CALN1: variants seen among roughly 807,000 people sequenced by gnomAD.
CALN1 encodes calcium-binding protein 8.
Under a neutral mutation model 30.6 loss-of-function variants are expected in CALN1, and 17 were observed. That is an observed-to-expected ratio of 0.56 (90% CI 0.38 to 0.83). CALN1 has a LOEUF of 0.83. Among genes scored for constraint, CALN1 ranks in the 40% least tolerant of loss-of-function variants. The probability of loss-of-function intolerance (pLI) is 0.00; values close to 1 mark genes in which losing one functional copy is unlikely to be tolerated. For synonymous variants in CALN1, 156 were observed against 131.4 expected (o/e 1.19, Z -1.28); for missense variants, 291 against 354.9 (o/e 0.82, Z 1.45).
At chr7:72,204,329 A>T (rs756679250) in intron 3 of CALN1, among the ~76,000 whole-genome samples, 4 of 151,878 alleles carry the variant, frequency 2.6e-5, no homozygotes, top group Non-Finnish European at 5.9e-5. Context: ...TGTTAATTGT[A>T]TTCAACTATA....
At chr7:72,148,264 TAA>T (rs35780457) in intron 3 of CALN1, among the ~76,000 whole-genome samples, 43,896 of 132,366 alleles carry the variant, frequency 0.33, 7,175 homozygotes, top group Non-Finnish European at 0.37. Flanking sequence ...TGTGGTTGTT[TAA>T]AAAAAAAAAA....
At chr7:72,052,496 C>T (rs879844657) in intron 4 of CALN1, among the ~76,000 whole-genome samples, 14 of 151,872 alleles carry the variant, frequency 9.2e-5, no homozygotes, top group Admixed American at 2.0e-4. Context: ...ACTGACCACC[C>T]GAAGAAAATC....
intron 3 of CALN1, among the ~76,000 whole-genome samples, chr7:72,117,629 C>T (rs1808079642): frequency 6.6e-6 from 1 of 152,104 alleles, no homozygotes; most frequent in Non-Finnish European, 1.5e-5. Context: ...GGCTGGGGGC[C>T]TAGGATTTTA....
At chr7:71,789,832 T>C (rs1793212395) in intron 6 of CALN1, among the ~76,000 whole-genome samples, 1 of 151,982 alleles carries the variant, frequency 6.6e-6, no homozygotes, top group African/African-American at 2.4e-5. Flanking sequence ...GAAAAAGCAT[T>C]AGCCTGTAAT....
intron 5 of CALN1, among the ~76,000 whole-genome samples, chr7:71,890,435 T>C (rs1793173650): frequency 1.3e-5 from 2 of 152,220 alleles, no homozygotes; most frequent in South Asian, 4.1e-4. Flanking sequence ...CCTTCCCTCC[T>C]TTCCAAACAG....
At chr7:72,178,545 C>G (rs1398756728) in intron 3 of CALN1, among the ~76,000 whole-genome samples, 1 of 152,002 alleles carries the variant, frequency 6.6e-6, no homozygotes, top group Non-Finnish European at 1.5e-5. Flanking sequence ...AAAAATTAGC[C>G]AGGCGTGGTG....
chr7:72,500,225 T>A, the CALN1 span, among the ~76,000 whole-genome samples: 7 of 148,718 alleles, frequency 4.7e-5, no homozygotes, highest in African/African-American at 1.5e-4. Flanking sequence ...GCTGAAACTT[T>A]CTGTGTCTCT....
chr7:71,984,221 G>A (rs895862478), intron 5 of CALN1, among the ~76,000 whole-genome samples: 1 of 152,074 alleles, frequency 6.6e-6, no homozygotes, highest in African/African-American at 2.4e-5. Flanking sequence ...GAGTGAGGGG[G>A]GAACAGGCAG....
At chr7:72,367,014 C>T (rs990369679) in intron 2 of CALN1, among the ~76,000 whole-genome samples, 13 of 152,076 alleles carry the variant, frequency 8.5e-5, no homozygotes, top group South Asian at 2.1e-4. Flanking sequence ...AAATGACAAC[C>T]TTCTACAACC....
rs1787058541 is a variant in CALN1 at position 71,798,117 on chromosome 7, CAGAGACAGAGAGAGAGAGAG to C, written c.659-10235_659-10216del. On this transcript the variant is annotated intron_variant, in intron 6 of 6. Transcript: ENST00000395275. ...AGAGAGAGACAGAGAGAGACAGAGA[CAGAGACAGAGAGAGAGAGAG>C]AGAGAGAGAGAGAGAGAGAGAGAGA... is the stretch of plus-strand genomic sequence containing the variant. 2.0e-3 allele frequency among the ~76,000 whole-genome samples: 127 copies of C among 62,306 alleles called. 1 individual carries two copies. Among genetic ancestry groups the C allele is most frequent in the East Asian group, 0.014 (19 of 1,364 alleles). 40.9% of individuals were successfully genotyped at this position (62,306 alleles called of 152,430 possible).
the CALN1 span, among the ~76,000 whole-genome samples, chr7:72,464,920 C>A: frequency 6.6e-6 from 1 of 152,168 alleles, no homozygotes; most frequent in Non-Finnish European, 1.5e-5. Context: ...AGAGGCAGTG[C>A]CACCTATGTC....
intron 2 of CALN1, chr7:72,337,054 CCTCCCG>C (rs1436343217): frequency 2.1e-5 from 21 of 985,556 alleles, no homozygotes; most frequent in Non-Finnish European, 2.4e-5. Context: ...CTCCTCTACC[CCTCCCG>C]CTCCCGCTGG....
At chr7:72,080,688 G>A (rs566220081) in intron 4 of CALN1, among the ~76,000 whole-genome samples, 2 of 152,074 alleles carry the variant, frequency 1.3e-5, no homozygotes, top group Non-Finnish European at 2.9e-5. Flanking sequence ...GGAGGGGTGG[G>A]TTTCCACACA....
intron 5 of CALN1, among the ~76,000 whole-genome samples, chr7:71,931,365 A>C (rs982399133): frequency 3.9e-5 from 6 of 152,054 alleles, no homozygotes; most frequent in Non-Finnish European, 1.5e-5. Context: ...TCCTGGCTTC[A>C]AGTGATTCTC....
chr7:71,877,252 G>C (rs1792301361), intron 5 of CALN1, among the ~76,000 whole-genome samples: 1 of 152,170 alleles, frequency 6.6e-6, no homozygotes, highest in Admixed American at 6.5e-5. Context: ...AATAGTAAAT[G>C]TTATTCTAAA....
At chr7:72,413,905 T>C (rs1353085123), upstream of CALN1, among the ~76,000 whole-genome samples, 2 of 151,800 alleles carry the variant, frequency 1.3e-5, no homozygotes, top group Non-Finnish European at 2.9e-5. Flanking sequence ...CATACACACG[T>C]ACACACCGCA....
At chr7:72,002,507 G>C (rs1016647319) in intron 5 of CALN1, among the ~76,000 whole-genome samples, 7 of 151,974 alleles carry the variant, frequency 4.6e-5, no homozygotes, top group Admixed American at 1.3e-4. Context: ...ATTGTAAGTT[G>C]AACAACCATA....
intron 4 of CALN1, among the ~76,000 whole-genome samples, chr7:72,105,941 C>G (rs1807075010): frequency 6.6e-6 from 1 of 152,030 alleles, no homozygotes; most frequent in African/African-American, 2.4e-5. Context: ...TCTTTCCTCA[C>G]CCCATCCTAT....
rs527399172 is a variant in CALN1 at position 71,785,262 on chromosome 7, CAAG to C, written c.*2510_*2512del. 19 of 169,158 alleles carry C rather than the reference CAAG, an allele frequency of 1.1e-4. No homozygotes were observed. Among genetic ancestry groups the C allele is most frequent in the Non-Finnish European group, 2.0e-4 (16 of 79,522 alleles). The allele number at this position is 169,158 out of a possible 1,614,324, so 10.5% of individuals were successfully genotyped here. A position where few individuals can be genotyped will look rare whatever the true frequency, so the allele number is the denominator to read the frequency against. ...GGGCTTGCTTCCAGGTCACTGGGAG[CAAG>C]AAGAAGGTCACCGTTAGGAAAGGAA... On this transcript the variant is annotated 3_prime_UTR_variant, in exon 7 of 7. Coordinates refer to ENST00000395275, the MANE Select transcript of CALN1 (RefSeq NM_031468.4).
Sources: allele counts gnomAD v4.1 joint callset (sites outside exome capture counted in the v4.1 genomes callset), GRCh38; gene constraint gnomAD v4.1.1; transcripts MANE v1.5; gene names NCBI Gene and HGNC (gene_info 2026-07-23, HGNC 2026-07-21).